The following CA3 variants were observed in gnomAD, a reference collection of about 807,000 sequenced individuals.
CA3 encodes carbonic anhydrase 3.
In CA3, 30 loss-of-function variants were observed where a neutral mutation model predicts 35.7. That is an observed-to-expected ratio of 0.84 (90% CI 0.63 to 1.14). CA3 has a LOEUF of 1.14. Among genes scored for constraint, CA3 ranks in the 50% most tolerant of loss-of-function variants. The probability of loss-of-function intolerance (pLI) is 0.00; values close to 1 mark genes in which losing one functional copy is unlikely to be tolerated. For missense variants in CA3, 295 were observed against 328.5 expected (o/e 0.90, Z 0.79); for synonymous variants, 131 against 130.8 (o/e 1.00, Z -0.01).
At chr8:85,443,014 C>T (rs796547452) in intron 3 of CA3, among the ~76,000 whole-genome samples, 18 of 152,266 alleles carry the variant, frequency 1.2e-4, no homozygotes, top group Middle Eastern at 3.4e-3. Flanking sequence ...GAATATAGTG[C>T]TCTAAAAATA....
Position 85,439,745 on chromosome 8 carries a change from C to A in CA3, c.68C>A (p.Ala23Asp), listed in dbSNP as rs1461556955. The A allele has an allele frequency of 6.2e-7, 1 of 1,613,742 alleles. No homozygotes were observed. Among genetic ancestry groups the A allele is most frequent in the African/African-American group, 1.3e-5 (1 of 74,900 alleles). Residue 23 changes from alanine to aspartate, a missense_variant, in exon 2 of 7, where the codon GCC (alanine) becomes GAC (aspartate). Transcript: ENST00000285381. ...CACTGGCATGAACTTTTCCCAAATG[C>A]CAAGGGGGAAAACCAGTCGCCCGTT... ...PDHWHELFPN[A>D]KGENQSPVEL...
At chr8:85,441,938 T>C in intron 2 of CA3, 135 bp from the exon 3 acceptor site, 1 of 670,346 alleles carries the variant, frequency 1.5e-6, no homozygotes, top group South Asian at 1.7e-5. Context: ...TCCAGTGTCC[T>C]GGGAGTGGCA....
chr8:85,448,103 C>T lies in CA3; in HGVS notation c.733C>T (p.Arg245Ter), dbSNP rs779091963. The T allele has an allele frequency of 3.9e-5, 63 of 1,613,386 alleles. No individual in the cohort carries two copies. The highest frequency in any genetic ancestry group is 5.1e-5 in the Non-Finnish European group (60 of 1,179,744). Residue 245 changes from arginine to a stop codon, truncating the protein, a stop_gained, in exon 7 of 7, where the codon CGA becomes TGA. Coordinates refer to ENST00000285381, the MANE Select transcript of CA3 (RefSeq NM_005181.4). LOFTEE classifies it high-confidence loss of function. ...EPPVPLVSNW[R>*]PPQPINNRVV... ...CCCAGTGCCTCTTGTGAGCAACTGG[C>T]GACCTCCACAGCCTATCAATAACAG...
intron 3 of CA3, 141 bp from the exon 4 acceptor site, chr8:85,443,893 C>A: frequency 3.1e-6 from 2 of 649,060 alleles, no homozygotes; most frequent in Non-Finnish European, 2.7e-6. Context: ...ATGTTACATG[C>A]TACTCTTTCA....
chr8:85,445,074 G>A lies in CA3; in HGVS notation c.445-82G>A, dbSNP rs1585999819. 9 of 849,462 alleles carry A rather than the reference G, an allele frequency of 1.1e-5. No individual in the cohort carries two copies. In the East Asian group the frequency reaches 2.0e-4, roughly 19 times the overall value. The allele number at this position is 849,462 out of a possible 1,614,324, so 52.6% of individuals were successfully genotyped here. On this transcript the variant is annotated intron_variant, in intron 4 of 6. Coordinates refer to ENST00000285381, the MANE Select transcript of CA3 (RefSeq NM_005181.4). Reference sequence around the variant, plus strand: ...GATTTATAAACACTAGTTGCAGATGGATGGATCAAAATCAGCTTTGAAGAC... The same window carrying A: ...GATTTATAAACACTAGTTGCAGATGAATGGATCAAAATCAGCTTTGAAGAC...
chr8:85,439,635 T>C, intron 1 of CA3, 77 bp from the exon 2 acceptor site: 1 of 985,760 alleles, frequency 1.0e-6, no homozygotes, highest in Non-Finnish European at 1.6e-6. Flanking sequence ...TCTCTGTATT[T>C]TGCTGGTTTA....
intron 5 of CA3, among the ~76,000 whole-genome samples, chr8:85,445,478 T>G (rs1321278035): frequency 6.6e-6 from 1 of 151,182 alleles, no homozygotes; most frequent in Non-Finnish European, 1.5e-5. Flanking sequence ...GTCAGAGAAG[T>G]TGAGTGGTCA....
intron 6 of CA3, among the ~76,000 whole-genome samples, chr8:85,446,630 T>C (rs1811296428): frequency 6.6e-6 from 1 of 152,198 alleles, no homozygotes; most frequent in Admixed American, 6.5e-5. Flanking sequence ...GGTAAGGAGA[T>C]GGGATGATAA....
At position 85,448,054 on chromosome 8, in the gene CA3, C is replaced by T. The variant is rs753344194; in HGVS notation, c.684C>T (p.Leu228=). Residue 228 remains leucine (L), a synonymous_variant, in exon 7 of 7, where the codon CTC becomes CTT. Transcript: ENST00000285381. Reference sequence around the variant, plus strand: ...TGCAGATGGCCAAGCTGCGGAGCCTCCTCTCCAGTGCTGAGAACGAGCCCC... The same window carrying T: ...TGCAGATGGCCAAGCTGCGGAGCCTTCTCTCCAGTGCTGAGAACGAGCCCC... The part of the protein sequence containing the change: ...SSDQMAKLRS[L]LSSAENEPPV... 1.5e-5 allele frequency: 24 copies of T among 1,612,346 alleles called. No homozygotes were observed. In the Admixed American group the frequency reaches 3.8e-4, roughly 26 times the overall value.
intron 6 of CA3, among the ~76,000 whole-genome samples, chr8:85,447,521 G>A (rs1811308579): frequency 6.6e-6 from 1 of 152,202 alleles, no homozygotes. Flanking sequence ...AAGAAAAAAT[G>A]TGTGTCACTC....
rs749349522 is a variant in CA3, at chr8:85,448,022, T to C, written c.664-12T>C. 5 of 1,609,952 alleles carry C rather than the reference T, an allele frequency of 3.1e-6. No homozygotes were observed. In the African/African-American group the frequency reaches 5.3e-5, roughly 17 times the overall value. ...GAATGTCTTGTTAACAGTCTGCCCC[T>C]GCCCTTTGCAGATGGCCAAGCTGCG... On this transcript the variant is annotated splice_polypyrimidine_tract_variant and intron_variant, in intron 6 of 6. Coordinates refer to ENST00000285381, the MANE Select transcript of CA3 (RefSeq NM_005181.4).
Position 85,445,180 on chromosome 8 carries a change from C to A in CA3, c.469C>A (p.Gln157Lys). ...LKIGHENGEFQIFLDALDKIK... is the reference protein window; with the variant it reads ...LKIGHENGEFKIFLDALDKIK... ...GATAGGACATGAGAATGGCGAGTTC[C>A]AGATTTTCCTTGATGCATTGGACAA... Residue 157 changes from glutamine (Q) to lysine (K), a missense_variant, in exon 5 of 7, where the codon CAG becomes AAG. By Grantham distance (53) the Gln-to-Lys change is moderately conservative (BLOSUM62 1). Coordinates refer to ENST00000285381, the MANE Select transcript of CA3 (RefSeq NM_005181.4). The A allele has an allele frequency of 1.2e-6, 2 of 1,608,698 alleles. No individual in the cohort carries two copies. The highest frequency in any genetic ancestry group is 1.7e-6 in the Non-Finnish European group (2 of 1,176,944).
Position 85,442,373 on chromosome 8 carries a change from A to G in CA3, c.351+182A>G, listed in dbSNP as rs6992696. On this transcript the variant is annotated intron_variant, in intron 3 of 6. Transcript: ENST00000285381. ...GAACATTCTAGGCTAGACAGGTAAA[A>G]GGGTATAGGTGAGTTGGCATCAAAC... is the stretch of plus-strand genomic sequence containing the variant. 9.3e-3 allele frequency: 5,269 copies of G among 564,870 alleles called. 241 individuals are homozygous for G. The highest frequency in any genetic ancestry group is 0.089 in the African/African-American group (4,755 of 53,208). The allele number at this position is 564,870 out of a possible 1,614,324, so 35.0% of individuals were successfully genotyped here.
intron 1 of CA3, 94 bp from the exon 2 acceptor site, chr8:85,439,618 T>G: frequency 1.2e-6 from 1 of 823,500 alleles, no homozygotes; most frequent in South Asian, 1.6e-5. Context: ...GAAATCACTG[T>G]CTAGCCTCTC....
At chr8:85,443,759 A>G (rs947161396) in intron 3 of CA3, among the ~76,000 whole-genome samples, 8 of 152,208 alleles carry the variant, frequency 5.3e-5, no homozygotes, top group Non-Finnish European at 1.0e-4. Context: ...TGATTAACCT[A>G]ACTGGTGCTC....
At chr8:85,443,177 T>C (rs1157648591) in intron 3 of CA3, among the ~76,000 whole-genome samples, 3 of 152,188 alleles carry the variant, frequency 2.0e-5, no homozygotes, top group East Asian at 1.9e-4. Context: ...TCTGAGCACA[T>C]ACTACTCTCT....
At position 85,448,161 on chromosome 8, in the gene CA3, G is replaced by T; in HGVS notation, c.*8G>T. ...AGAGCTTCCTTCAAATGAGGCTGCT[G>T]GATCTTGCCCTCTTCAGGAAAGGAA... is the stretch of plus-strand genomic sequence containing the variant. On this transcript the variant is annotated 3_prime_UTR_variant, in exon 7 of 7. Coordinates refer to ENST00000285381, the MANE Select transcript of CA3 (RefSeq NM_005181.4). 6.2e-7 allele frequency: 1 copy of T among 1,610,702 alleles called. No homozygotes were observed. Among genetic ancestry groups the T allele is most frequent in the South Asian group, 1.1e-5 (1 of 90,040 alleles).
At chr8:85,441,623 G>A (rs1306178880) in intron 2 of CA3, among the ~76,000 whole-genome samples, 2 of 152,164 alleles carry the variant, frequency 1.3e-5, no homozygotes, top group African/African-American at 4.8e-5. Flanking sequence ...CCTTCTTAGA[G>A]ATGTGAAAGT....
At chr8:85,442,016 T>C (rs1811213989) in intron 2 of CA3, 57 bp from the exon 3 acceptor site, 2 of 909,236 alleles carry the variant, frequency 2.2e-6, no homozygotes, top group Non-Finnish European at 3.7e-6. Context: ...TTGGTTAAAG[T>C]AGAGCTCTGT....
Sources: gnomAD v4.1 joint callset for allele counts (sites outside exome capture counted in the v4.1 genomes callset) on GRCh38, gnomAD v4.1.1 for gene constraint, MANE v1.5 for transcripts, NCBI Gene and HGNC (gene_info 2026-07-23, HGNC 2026-07-21) for gene names.